Variants in ABLIM1 observed in about 807,000 individuals in gnomAD.
The protein encoded by ABLIM1 is actin binding LIM protein 1, also known as actin-binding LIM protein 1.
A neutral mutation model predicts 107.0 loss-of-function variants in ABLIM1; 40 were observed. That is an observed-to-expected ratio of 0.37 (90% CI 0.29 to 0.49). The LOEUF is 0.49. ABLIM1 is among the 20% of genes least tolerant of loss of function. ABLIM1 has a pLI of 0.97. For synonymous variants in ABLIM1, 357 were observed against 357.3 expected (o/e 1.00, Z 0.01); for missense variants, 857 against 1,008.5 (o/e 0.85, Z 2.04).
intron 1 of ABLIM1, among the ~76,000 whole-genome samples, chr10:114,706,421 T>A (rs1022626497): frequency 6.6e-6 from 1 of 152,252 alleles, no homozygotes; most frequent in Non-Finnish European, 1.5e-5. Context: ...TCCTAAACTA[T>A]GAGTTATTCT....
chr10:114,748,659 C>CA (rs2082438826), intron 1 of ABLIM1, among the ~76,000 whole-genome samples: 1 of 121,564 alleles, frequency 8.2e-6, no homozygotes, highest in Non-Finnish European at 1.7e-5. Flanking sequence ...TTTTTTTTTT[C>CA]TTTTTTTTTT....
chr10:114,557,735 G>T (rs2483544), intron 4 of ABLIM1, among the ~76,000 whole-genome samples: 51,878 of 135,462 alleles, frequency 0.38, 12,714 homozygotes, highest in African/African-American at 0.71. Flanking sequence ...TAAAGCTTGA[G>T]AGTTAGGATA....
Position 114,444,013 on chromosome 10 carries a change from G to T in ABLIM1, c.1933+16C>A. Reference sequence around the variant, plus strand: ...CTGGCTCTCGAATCAGGGAAGGTTGGGGGTTTGCTGCTTACCTGAGTTGAT... The same window carrying T: ...CTGGCTCTCGAATCAGGGAAGGTTGTGGGTTTGCTGCTTACCTGAGTTGAT... On this transcript the variant is annotated intron_variant, in intron 17 of 22. Coordinates refer to ENST00000533213, the MANE Select transcript of ABLIM1 (RefSeq NM_002313.7). 1.3e-6 allele frequency: 2 copies of T among 1,595,602 alleles called. No homozygotes were observed. The highest frequency in any genetic ancestry group is 1.7e-6 in the Non-Finnish European group (2 of 1,171,858).
At chr10:114,662,446 C>T (rs2079834326), upstream of ABLIM1, among the ~76,000 whole-genome samples, 1 of 152,128 alleles carries the variant, frequency 6.6e-6, no homozygotes, top group Admixed American at 6.5e-5. Flanking sequence ...GCTATCCCTG[C>T]TCCCTGCTCC....
chr10:114,479,654 G>A (rs926183964), intron 8 of ABLIM1, among the ~76,000 whole-genome samples: 9 of 152,124 alleles, frequency 5.9e-5, no homozygotes, highest in Non-Finnish European at 1.3e-4. Flanking sequence ...GACACACATG[G>A]ATTGCCTGCT....
At chr10:114,616,185 TA>T (rs1432769201) in intron 1 of ABLIM1, among the ~76,000 whole-genome samples, 1 of 151,896 alleles carries the variant, frequency 6.6e-6, no homozygotes, top group Non-Finnish European at 1.5e-5. Context: ...AAAAAAAGTT[TA>T]AAAAACTCAA....
chr10:114,520,716 A>C (rs946212287), intron 6 of ABLIM1, among the ~76,000 whole-genome samples: 1 of 152,138 alleles, frequency 6.6e-6, no homozygotes, highest in African/African-American at 2.4e-5. Context: ...CATGCCTGTA[A>C]TCCCAGCACT....
chr10:114,515,065 G>C (rs17091996), intron 6 of ABLIM1, among the ~76,000 whole-genome samples: 21,831 of 152,246 alleles, frequency 0.14, 1,748 homozygotes, highest in Middle Eastern at 0.19. Flanking sequence ...AGCAGGGGAT[G>C]GGTGAGAAGG....
chr10:114,791,406 A>G, the ABLIM1 span, among the ~76,000 whole-genome samples: 1 of 152,288 alleles, frequency 6.6e-6, no homozygotes, highest in South Asian at 2.1e-4. Context: ...TGGGAGGCCA[A>G]AGCCGGCGGA....
At chr10:114,592,172 A>G (rs928916365) in intron 2 of ABLIM1, among the ~76,000 whole-genome samples, 3 of 152,202 alleles carry the variant, frequency 2.0e-5, no homozygotes, top group Non-Finnish European at 2.9e-5. Context: ...GTGCACACAC[A>G]TACACAGTTA....
chr10:114,770,931 A>G (rs1049854106), upstream of ABLIM1, among the ~76,000 whole-genome samples: 2 of 152,146 alleles, frequency 1.3e-5, no homozygotes, highest in Non-Finnish European at 2.9e-5. Flanking sequence ...CCCGTGCTCA[A>G]GTGATTCTCA....
intron 1 of ABLIM1, among the ~76,000 whole-genome samples, chr10:114,729,707 G>A (rs1032457218): frequency 5.9e-5 from 9 of 152,098 alleles, no homozygotes; most frequent in African/African-American, 2.2e-4. Flanking sequence ...TATTCTGATG[G>A]TACTGAAGTT....
At chr10:114,443,498 A>G (rs1169513070) in intron 17 of ABLIM1, among the ~76,000 whole-genome samples, 2 of 151,868 alleles carry the variant, frequency 1.3e-5, no homozygotes, top group Non-Finnish European at 2.9e-5. Flanking sequence ...TTTTTAGTAT[A>G]GATGGGGTTT....
chr10:114,733,228 T>C (rs1001447514), intron 1 of ABLIM1, among the ~76,000 whole-genome samples: 1 of 152,126 alleles, frequency 6.6e-6, no homozygotes, highest in African/African-American at 2.4e-5. Flanking sequence ...TGATAGGTGA[T>C]TGATAGGTCC....
At chr10:114,437,964 C>T in intron 21 of ABLIM1, 40 bp from the exon 22 acceptor site, 1 of 1,565,634 alleles carries the variant, frequency 6.4e-7, no homozygotes, top group South Asian at 1.1e-5. Flanking sequence ...ACACCACAGT[C>T]CATTTTATTA....
the ABLIM1 span, among the ~76,000 whole-genome samples, chr10:114,792,041 C>A: frequency 2.6e-5 from 4 of 152,202 alleles, no homozygotes; most frequent in South Asian, 6.2e-4. Context: ...AGAATCTTGG[C>A]TGGGTACAGT....
chr10:114,719,546 T>G (rs1281385347), intron 1 of ABLIM1, among the ~76,000 whole-genome samples: 1 of 152,222 alleles, frequency 6.6e-6, no homozygotes, highest in East Asian at 1.9e-4. Context: ...TTCGTGACCT[T>G]TGGATGGCTG....
intron 12 of ABLIM1, among the ~76,000 whole-genome samples, chr10:114,456,945 A>AC (rs1373436155): frequency 7.4e-6 from 1 of 135,038 alleles, no homozygotes; most frequent in African/African-American, 2.8e-5. Flanking sequence ...AAAAAAAAAA[A>AC]AAAAACACTA....
At chr10:114,785,494 T>C in the ABLIM1 span, among the ~76,000 whole-genome samples, 2 of 152,188 alleles carry the variant, frequency 1.3e-5, no homozygotes, top group South Asian at 4.1e-4. Context: ...TCCTTTGGCT[T>C]TGTAAGAAAA....
Sources: gnomAD v4.1 joint callset for allele counts (sites outside exome capture counted in the v4.1 genomes callset) on GRCh38, gnomAD v4.1.1 for gene constraint, MANE v1.5 for transcripts, NCBI Gene and HGNC (gene_info 2026-07-23, HGNC 2026-07-21) for gene names.